CSMD1: variants seen among roughly 807,000 people sequenced by gnomAD.
CSMD1 encodes CUB and sushi domain-containing protein 1.
A neutral mutation model predicts 417.5 loss-of-function variants in CSMD1; 213 were observed. The observed-to-expected ratio is 0.51, with a 90% CI of 0.46 to 0.57. The LOEUF (loss-of-function observed/expected upper bound fraction) is 0.57. Among genes scored for constraint, CSMD1 ranks in the 20% least tolerant of loss-of-function variants. The probability of loss-of-function intolerance (pLI) is 0.00; values close to 1 mark genes in which losing one functional copy is unlikely to be tolerated. For missense variants in CSMD1, 6,923 were observed against 4,529.7 expected (o/e 1.53, Z -15.17); for synonymous variants, 2,862 against 1,736.8 (o/e 1.65, Z -16.11).
chr8:3,579,754 G>C (rs539847055), intron 9 of CSMD1, among the ~76,000 whole-genome samples: 70 of 152,152 alleles, frequency 4.6e-4, no homozygotes, highest in Non-Finnish European at 9.4e-4. Context: ...CTCCACTTAT[G>C]ATTGCTCTAA....
intron 2 of CSMD1, among the ~76,000 whole-genome samples, chr8:4,537,343 G>C (rs1488245852): frequency 6.6e-6 from 1 of 152,136 alleles, no homozygotes; most frequent in African/African-American, 2.4e-5. Flanking sequence ...GCTAAAATGA[G>C]AGATTATTAT....
At chr8:3,507,497 T>C (rs1457293447) in intron 10 of CSMD1, among the ~76,000 whole-genome samples, 1 of 152,210 alleles carries the variant, frequency 6.6e-6, no homozygotes, top group East Asian at 1.9e-4. Context: ...CAGCATGATT[T>C]ATAATCCTTT....
At chr8:3,408,521 C>G (rs1812485579) in intron 13 of CSMD1, among the ~76,000 whole-genome samples, 1 of 147,250 alleles carries the variant, frequency 6.8e-6, no homozygotes, top group Non-Finnish European at 1.5e-5. Context: ...ATTATAATTT[C>G]TAGTTATAAT....
intron 3 of CSMD1, among the ~76,000 whole-genome samples, chr8:4,062,256 C>G (rs2552159): frequency 0.61 from 92,622 of 151,776 alleles, 28,930 homozygotes; most frequent in South Asian, 0.72. Flanking sequence ...GTCATCATGT[C>G]ATAAATGCTG....
At chr8:3,844,960 A>G (rs1420874042) in intron 5 of CSMD1, among the ~76,000 whole-genome samples, 1 of 152,202 alleles carries the variant, frequency 6.6e-6, no homozygotes, top group African/African-American at 2.4e-5. Flanking sequence ...ATGAATTAAG[A>G]TTTTAAAGAT....
chr8:4,863,624 C>G (rs1252889621), intron 1 of CSMD1, among the ~76,000 whole-genome samples: 1 of 152,036 alleles, frequency 6.6e-6, no homozygotes, highest in African/African-American at 2.4e-5. Context: ...ACTCCCACCT[C>G]TCCATATCCA....
rs1270402753 is a variant in CSMD1, at chr8:3,139,122, G to A, written c.6241+3343C>T. ...ACTGCGAGCTCAGCTTCGGGCACAT[G>A]TTTCAGTGCCTGCGTCATTCCCAGA... is the stretch of plus-strand genomic sequence containing the variant. On this transcript the variant is annotated intron_variant, in intron 41 of 69. Transcript: ENST00000635120. 3.3e-5 allele frequency among the ~76,000 whole-genome samples: 5 copies of A among 152,268 alleles called. No individual in the cohort carries two copies. In the East Asian group the frequency reaches 9.7e-4, roughly 29 times the overall value.
chr8:4,468,619 C>A (rs1800334548), intron 2 of CSMD1, among the ~76,000 whole-genome samples: 1 of 152,124 alleles, frequency 6.6e-6, no homozygotes, highest in Non-Finnish European at 1.5e-5. Context: ...TCAATTTGAA[C>A]CTAATTGTTA....
intron 25 of CSMD1, among the ~76,000 whole-genome samples, chr8:3,291,559 A>G (rs1036369566): frequency 8.6e-5 from 13 of 151,838 alleles, no homozygotes; most frequent in African/African-American, 3.1e-4. Context: ...TCTTGGGAGG[A>G]TGTATGTGTC....
At chr8:3,309,312 T>C (rs146294847) in intron 23 of CSMD1, among the ~76,000 whole-genome samples, 67 of 149,818 alleles carry the variant, frequency 4.5e-4, no homozygotes, top group African/African-American at 1.5e-3. Flanking sequence ...AGATGTCAAC[T>C]TCATGGGAAA....
At chr8:3,799,628 G>C (rs935701207) in intron 5 of CSMD1, among the ~76,000 whole-genome samples, 1 of 151,916 alleles carries the variant, frequency 6.6e-6, no homozygotes, top group African/African-American at 2.4e-5. Context: ...CATTTGGCTT[G>C]TACTTGTAGC....
chr8:3,438,150 T>C (rs959987217), intron 12 of CSMD1, among the ~76,000 whole-genome samples: 1 of 152,208 alleles, frequency 6.6e-6, no homozygotes, highest in Non-Finnish European at 1.5e-5. Flanking sequence ...ATAATTACCA[T>C]GGGGTTTTAT....
chr8:3,276,378 G>C (rs1290898293), intron 26 of CSMD1, among the ~76,000 whole-genome samples: 2 of 152,314 alleles, frequency 1.3e-5, no homozygotes, highest in South Asian at 2.1e-4. Context: ...CACGCTGGGA[G>C]CTGTAGACCG....
At chr8:3,884,633 G>A (rs1013117178) in intron 5 of CSMD1, among the ~76,000 whole-genome samples, 8 of 152,062 alleles carry the variant, frequency 5.3e-5, no homozygotes, top group Non-Finnish European at 1.0e-4. Context: ...ACAAAAAGAC[G>A]TTACTTAATG....
chr8:3,106,389 C>A, intron 46 of CSMD1, 139 bp downstream of exon 46: 1 of 566,526 alleles, frequency 1.8e-6, no homozygotes, highest in Non-Finnish European at 3.0e-6. Flanking sequence ...CAGAGTAAGA[C>A]CCTATCTCCA....
At chr8:4,454,121 C>T (rs998687515) in intron 2 of CSMD1, among the ~76,000 whole-genome samples, 1 of 152,134 alleles carries the variant, frequency 6.6e-6, no homozygotes, top group African/African-American at 2.4e-5. Flanking sequence ...TGTGCCCAGC[C>T]TGCAATTCAT....
At chr8:4,439,486 T>G (rs1798338759) in intron 2 of CSMD1, among the ~76,000 whole-genome samples, 1 of 152,158 alleles carries the variant, frequency 6.6e-6, no homozygotes, top group Non-Finnish European at 1.5e-5. Context: ...TTCTTCCGTT[T>G]GACGAACAAG....
At chr8:3,768,623 A>C (rs1798411000) in intron 5 of CSMD1, among the ~76,000 whole-genome samples, 2 of 152,190 alleles carry the variant, frequency 1.3e-5, no homozygotes, top group Admixed American at 6.5e-5. Context: ...GCAGGAATTG[A>C]CCATATTTTA....
At chr8:4,114,924 G>A (rs1234558004) in intron 3 of CSMD1, among the ~76,000 whole-genome samples, 1 of 152,164 alleles carries the variant, frequency 6.6e-6, no homozygotes, top group Non-Finnish European at 1.5e-5. Context: ...ATAGTATGCT[G>A]AGATACAATC....
Sources: allele counts gnomAD v4.1 joint callset (sites outside exome capture counted in the v4.1 genomes callset), GRCh38; gene constraint gnomAD v4.1.1; transcripts MANE v1.5; gene names NCBI Gene and HGNC (gene_info 2026-07-23, HGNC 2026-07-21).